SDK1: variants seen among roughly 807,000 people sequenced by gnomAD.
The protein encoded by SDK1 is protein sidekick-1.
In SDK1, 157 loss-of-function variants were observed where a neutral mutation model predicts 245.5. The ratio of observed to expected loss-of-function variants is 0.64; its 90% confidence interval spans 0.56 to 0.73. The LOEUF is 0.73. Ranked by LOEUF, SDK1 falls within the 30% of genes least tolerant of loss-of-function variation. The pLI is 0.00. For synonymous variants in SDK1, 1,647 were observed against 1,278.5 expected (o/e 1.29, Z -6.15); for missense variants, 3,583 against 3,002.3 (o/e 1.19, Z -4.52).
chr7:3,433,019 T>C (rs1423450232), intron 1 of SDK1, among the ~76,000 whole-genome samples: 1 of 152,226 alleles, frequency 6.6e-6, no homozygotes, highest in Non-Finnish European at 1.5e-5. Context: ...CTATCCAAGT[T>C]ACGCAGTTTT....
intron 1 of SDK1, among the ~76,000 whole-genome samples, chr7:3,456,265 T>G (rs1244257274): frequency 2.6e-5 from 4 of 152,222 alleles, no homozygotes; most frequent in Non-Finnish European, 5.9e-5. Context: ...TTTGCTAAAT[T>G]TGGGAAATAT....
intron 1 of SDK1, among the ~76,000 whole-genome samples, chr7:3,388,103 G>A (rs1781655081): frequency 6.6e-6 from 1 of 152,216 alleles, no homozygotes; most frequent in Non-Finnish European, 1.5e-5. Flanking sequence ...GGGGTTCTCA[G>A]TTCTGGCTCT....
chr7:3,813,359 G>A lies in SDK1; in HGVS notation c.714-8091G>A, dbSNP rs536014959. Among the ~76,000 whole-genome samples, 69 of 147,136 alleles carry A rather than the reference G, an allele frequency of 4.7e-4. 2 individuals are homozygous for A. In the South Asian group the frequency reaches 0.014, roughly 31 times the overall value. The stretch of plus-strand genomic sequence containing the variant: ...TCCCACCTATGAGTGAGAATAGGCG[G>A]TGTTTGGTTTTTTGTTCTTGCGATA... On this transcript the variant is annotated intron_variant, in intron 4 of 44. Coordinates refer to ENST00000404826, the MANE Select transcript of SDK1 (RefSeq NM_152744.4).
intron 43 of SDK1, 64 bp downstream of exon 43, chr7:4,241,977 C>A (rs1341046671): frequency 5.7e-6 from 9 of 1,577,270 alleles, no homozygotes; most frequent in Non-Finnish European, 7.7e-6. Context: ...GGGGTGGCAG[C>A]CCACGCCCAC....
intron 7 of SDK1, chr7:3,952,123 C>G (rs75959553): frequency 3.5e-6 from 2 of 573,914 alleles, no homozygotes; most frequent in East Asian, 6.2e-5. Flanking sequence ...TTGATGTTCT[C>G]AATCCTTCCA....
chr7:3,947,497 T>G (rs1442928581), intron 5 of SDK1, among the ~76,000 whole-genome samples: 1 of 151,900 alleles, frequency 6.6e-6, no homozygotes, highest in Non-Finnish European at 1.5e-5. Flanking sequence ...CCGGGATTTC[T>G]AATTGCCTTT....
rs1360011576 is a variant in SDK1 at position 4,077,078 on chromosome 7, A to C, written c.3091A>C (p.Lys1031Gln). ...CCTGAACAGCACGACGCACGAGTAC[A>C]AGATCCAAGGCCTCTCATCTCTCAC... ...HTLNSTTHEYKIQGLSSLTTY... is the reference protein window; with the variant it reads ...HTLNSTTHEYQIQGLSSLTTY... Residue 1031 changes from lysine to glutamine, a missense_variant, in exon 21 of 45, where the codon AAG (lysine) becomes CAG (glutamine). By Grantham distance (53) the Lys-to-Gln change is moderately conservative (BLOSUM62 1). Coordinates refer to ENST00000404826, the MANE Select transcript of SDK1 (RefSeq NM_152744.4). 3 of 1,614,140 alleles carry C rather than the reference A, an allele frequency of 1.9e-6. No homozygotes were observed. The highest frequency in any genetic ancestry group is 4.5e-5 in the East Asian group (2 of 44,880).
At chr7:4,210,932 C>T (rs763841311) in intron 38 of SDK1, among the ~76,000 whole-genome samples, 1 of 152,174 alleles carries the variant, frequency 6.6e-6, no homozygotes, top group Non-Finnish European at 1.5e-5. Context: ...CCCGGACACA[C>T]AAGAATCCTG....
chr7:3,486,553 TC>T (rs1330247721), intron 1 of SDK1, among the ~76,000 whole-genome samples: 2 of 152,146 alleles, frequency 1.3e-5, no homozygotes, highest in African/African-American at 4.8e-5. Context: ...TATGATTTTT[TC>T]TGACCCTGCT....
chr7:3,779,406 T>C (rs1045487375), intron 4 of SDK1, among the ~76,000 whole-genome samples: 1 of 151,878 alleles, frequency 6.6e-6, no homozygotes, highest in Non-Finnish European at 1.5e-5. Context: ...CATCGAACAG[T>C]AGTTGATTTT....
chr7:4,087,453 ATG>A (rs1431983765), intron 22 of SDK1, among the ~76,000 whole-genome samples: 2 of 146,788 alleles, frequency 1.4e-5, no homozygotes, highest in Non-Finnish European at 3.0e-5. Flanking sequence ...CCCATAACCA[ATG>A]TGTGTGCACA....
In SDK1 at chr7:4,267,229, C is replaced by G. The variant is rs1562498745; in HGVS notation, c.*1845C>G. The G allele has an allele frequency of 1.2e-6, 1 of 867,434 alleles. No homozygotes were observed. The highest frequency in any genetic ancestry group is 1.4e-6 in the Non-Finnish European group (1 of 722,866). 53.7% of individuals were successfully genotyped at this position (867,434 alleles called of 1,614,324 possible). A position where few individuals can be genotyped will look rare whatever the true frequency, so the allele number is the denominator to read the frequency against. The stretch of plus-strand genomic sequence containing the variant: ...TTACCCCTCCTTTCCTTCCTTCCTC[C>G]CTTCCTCTCTTCTTTCCTCCCTCCC... On this transcript the variant is annotated 3_prime_UTR_variant, in exon 45 of 45. Coordinates refer to ENST00000404826, the MANE Select transcript of SDK1 (RefSeq NM_152744.4).
chr7:3,604,603 T>C (rs1781360113), intron 1 of SDK1, among the ~76,000 whole-genome samples: 1 of 36,304 alleles, frequency 2.8e-5, no homozygotes, highest in South Asian at 2.7e-3. Flanking sequence ...TTTTCTTTTC[T>C]TTTTTTTTTT....
chr7:3,570,366 C>G (rs891257218), intron 1 of SDK1, among the ~76,000 whole-genome samples: 2 of 152,158 alleles, frequency 1.3e-5, no homozygotes, highest in Admixed American at 6.5e-5. Context: ...AACGCCGCCT[C>G]TGACCTGACG....
At chr7:3,303,132 G>A (rs913833228) in intron 1 of SDK1, among the ~76,000 whole-genome samples, 1 of 151,902 alleles carries the variant, frequency 6.6e-6, no homozygotes, top group Non-Finnish European at 1.5e-5. Context: ...CCATATTTCT[G>A]GTTAATTTAA....
At chr7:3,488,054 A>G (rs1226020993) in intron 1 of SDK1, among the ~76,000 whole-genome samples, 2 of 152,092 alleles carry the variant, frequency 1.3e-5, no homozygotes, top group African/African-American at 4.8e-5. Context: ...TTTCCCCCAC[A>G]CCTTTCAAAG....
At chr7:4,262,619 C>T (rs1202642355) in intron 44 of SDK1, among the ~76,000 whole-genome samples, 1 of 151,132 alleles carries the variant, frequency 6.6e-6, no homozygotes, top group Non-Finnish European at 1.5e-5. Context: ...TTCTCCGTCC[C>T]CTCCCCACCC....
chr7:3,500,480 C>G (rs1042440023), intron 1 of SDK1, among the ~76,000 whole-genome samples: 2 of 152,170 alleles, frequency 1.3e-5, no homozygotes, highest in African/African-American at 4.8e-5. Flanking sequence ...CCATTGACTT[C>G]TTGCTTCCAG....
intron 4 of SDK1, among the ~76,000 whole-genome samples, chr7:3,666,753 C>G (rs948251223): frequency 2.0e-5 from 3 of 151,756 alleles, no homozygotes; most frequent in African/African-American, 7.3e-5. Flanking sequence ...TTTGTGAAAA[C>G]AAAAAAAATC....
Sources: gnomAD v4.1 joint callset for allele counts (sites outside exome capture counted in the v4.1 genomes callset) on GRCh38, gnomAD v4.1.1 for gene constraint, MANE v1.5 for transcripts, NCBI Gene and HGNC (gene_info 2026-07-23, HGNC 2026-07-21) for gene names.